The following ASAH2 variants were observed in gnomAD, a reference collection of about 807,000 sequenced individuals.
ASAH2 encodes neutral ceramidase.
Under a neutral mutation model 82.9 loss-of-function variants are expected in ASAH2, and 58 were observed. The observed-to-expected ratio is 0.70, with a 90% CI of 0.57 to 0.87. The LOEUF is 0.87. Ranked by LOEUF, ASAH2 falls within the 40% of genes least tolerant of loss-of-function variation. ASAH2 has a pLI of 0.00. For synonymous variants in ASAH2, 276 were observed against 289.7 expected, an observed-to-expected ratio of 0.95 and a Z score of 0.48; for missense variants, 779 against 834.0, an observed-to-expected ratio of 0.93 and a Z score of 0.81.
At chr10:50,246,531 C>T (rs566090431) in intron 2 of ASAH2, among the ~76,000 whole-genome samples, 3 of 152,300 alleles carry the variant, frequency 2.0e-5, no homozygotes, top group African/African-American at 7.2e-5. Context: ...AGATTTATAG[C>T]TGATTCTTTC....
chr10:50,199,984 CAT>C (rs1473565064), intron 16 of ASAH2, among the ~76,000 whole-genome samples: 1 of 151,156 alleles, frequency 6.6e-6, no homozygotes, highest in Non-Finnish European at 1.5e-5. Context: ...AGGTAAATCA[CAT>C]GTCATGAGGG....
chr10:50,200,497 G>C (rs1212549960), intron 16 of ASAH2, among the ~76,000 whole-genome samples: 1 of 151,900 alleles, frequency 6.6e-6, no homozygotes, highest in Non-Finnish European at 1.5e-5. Context: ...ACTCTCACTT[G>C]TTGTCAAGAA....
rs1354449813 is a variant in ASAH2 at position 50,187,490 on chromosome 10, T to C, written c.2168A>G (p.Lys723Arg). The C allele has an allele frequency of 1.3e-5, 2 of 158,042 alleles. No homozygotes were observed. The highest frequency in any genetic ancestry group is 2.8e-4 in the African/African-American group (2 of 7,020). The allele number at this position is 158,042 out of a possible 1,614,324, so 9.8% of individuals were successfully genotyped here. The change falls in exon 21 of 21, where the codon AAG (lysine) becomes AGG (arginine). Residue 723 changes from lysine (K) to arginine (R), a missense_variant. Transcript: ENST00000682911. Reference protein sequence around the residue: ...ASWETRFYWHKGLLGLSNATV... With the variant: ...ASWETRFYWHRGLLGLSNATV... ...TGCATTACTCAGACCCAGGAGTCCC[T>C]TGTGCCAATAAAAACTGTTGATAAA...
intron 16 of ASAH2, among the ~76,000 whole-genome samples, chr10:50,201,584 T>C (rs1845149781): frequency 6.6e-6 from 1 of 152,068 alleles, no homozygotes; most frequent in Non-Finnish European, 1.5e-5. Flanking sequence ...TTCAGGGAAC[T>C]TTCCCATCTC....
At chr10:50,221,733 TAC>T (rs1483904005) in intron 7 of ASAH2, among the ~76,000 whole-genome samples, 1 of 138,544 alleles carries the variant, frequency 7.2e-6, no homozygotes, top group Admixed American at 7.3e-5. Context: ...GATAGATAGA[TAC>T]AGATAGAGAT....
chr10:50,200,235 C>T (rs1190136455), intron 16 of ASAH2, among the ~76,000 whole-genome samples: 1 of 151,230 alleles, frequency 6.6e-6, no homozygotes, highest in African/African-American at 2.4e-5. Context: ...TCAAAGCATT[C>T]TCTTGCTTAG....
intron 8 of ASAH2, among the ~76,000 whole-genome samples, chr10:50,215,585 G>A (rs1845571418): frequency 6.6e-6 from 1 of 152,164 alleles, no homozygotes; most frequent in Non-Finnish European, 1.5e-5. Context: ...GTTTTTCTCA[G>A]GTTTGTCGAA....
At chr10:50,231,845 T>G (rs924618558) in intron 7 of ASAH2, among the ~76,000 whole-genome samples, 2 of 152,200 alleles carry the variant, frequency 1.3e-5, no homozygotes, top group African/African-American at 4.8e-5. Flanking sequence ...AGAGGTAGAA[T>G]ATGTTTTCTA....
chr10:50,229,154 T>C (rs1589347035), intron 7 of ASAH2, among the ~76,000 whole-genome samples: 1 of 152,306 alleles, frequency 6.6e-6, no homozygotes, highest in South Asian at 2.1e-4. Flanking sequence ...ACACACATAG[T>C]GTCTTATTGC....
intron 7 of ASAH2, among the ~76,000 whole-genome samples, chr10:50,218,971 A>G (rs1260495050): frequency 6.6e-6 from 1 of 152,218 alleles, no homozygotes; most frequent in Non-Finnish European, 1.5e-5. Context: ...GGTAGTAATT[A>G]TTCAAATTTA....
At chr10:50,246,518 A>G (rs1846462182) in intron 2 of ASAH2, among the ~76,000 whole-genome samples, 1 of 152,242 alleles carries the variant, frequency 6.6e-6, no homozygotes, top group Non-Finnish European at 1.5e-5. Context: ...GTACTTAGGC[A>G]AGAGATTTAT....
At chr10:50,215,926 G>A (rs1464279751) in intron 8 of ASAH2, among the ~76,000 whole-genome samples, 1 of 152,122 alleles carries the variant, frequency 6.6e-6, no homozygotes, top group Non-Finnish European at 1.5e-5. Context: ...GCCCATCAAT[G>A]ATAGACTGGA....
rs935459601 is a variant in ASAH2 at position 50,214,815 on chromosome 10, G to A, written c.1068C>T (p.Asn356=). 3 of 1,613,776 alleles carry A rather than the reference G, an allele frequency of 1.9e-6. No homozygotes were observed. The highest frequency in any genetic ancestry group is 2.5e-6 in the Non-Finnish European group (3 of 1,179,702). ...TGTTGATGCAACGTGGTCCAAGAATGTTGGGGGACACATCTCCTAGGTTTG... is the reference window on the plus strand; with the variant it reads ...TGTTGATGCAACGTGGTCCAAGAATATTGGGGGACACATCTCCTAGGTTTG... ...ASSNLGDVSP[N]ILGPRCINTG... is the part of the protein sequence containing the mutation. The change falls in exon 9 of 21, where the codon AAC becomes AAT. Residue 356 remains asparagine (N), a synonymous_variant. Coordinates refer to ENST00000682911, the MANE Select transcript of ASAH2 (RefSeq NM_019893.4).
At chr10:50,236,189 T>C in intron 4 of ASAH2, 125 bp from the exon 5 acceptor site, 3 of 869,026 alleles carry the variant, frequency 3.5e-6, no homozygotes, top group Non-Finnish European at 3.8e-6. Context: ...ATTCTCATGC[T>C]GCTAATAAAG....
At chr10:50,218,408 A>T in intron 8 of ASAH2, 102 bp downstream of exon 8, 1 of 1,508,972 alleles carries the variant, frequency 6.6e-7, no homozygotes, top group Non-Finnish European at 9.2e-7. Context: ...GAGATTGATG[A>T]TGACACTTTA....
chr10:50,204,913 G>A lies in ASAH2; in HGVS notation c.1573C>T (p.Gln525Ter), dbSNP rs1156604701. The A allele has an allele frequency of 6.2e-7, 1 of 1,611,494 alleles. No homozygotes were observed. The highest frequency in any genetic ancestry group is 1.7e-5 in the Admixed American group (1 of 59,634). The change falls in exon 14 of 21, where the codon CAG (glutamine) becomes TAG (stop). Residue 525 changes from glutamine (Q) to a stop codon, truncating the protein, a stop_gained. Coordinates refer to ENST00000682911, the MANE Select transcript of ASAH2 (RefSeq NM_019893.4). LOFTEE classifies it high-confidence loss of function. ...HPWHPDIVDV[Q>*]IITLGSLAIT... ...GCCAAGGACCCAAGGGTAATAATCTGAACATCAACAATGTCTGGATGCCAG... is the reference window on the plus strand; with the variant it reads ...GCCAAGGACCCAAGGGTAATAATCTAAACATCAACAATGTCTGGATGCCAG...
At chr10:50,195,148 T>A (rs1844943278) in intron 18 of ASAH2, among the ~76,000 whole-genome samples, 1 of 150,862 alleles carries the variant, frequency 6.6e-6, no homozygotes, top group East Asian at 2.0e-4. Flanking sequence ...ATGCATCCAA[T>A]AAAGAGTTAA....
rs776391885 is a variant in ASAH2 at position 50,234,415 on chromosome 10, T to C, written c.815+10A>G. On this transcript the variant is annotated intron_variant, in intron 6 of 20. Coordinates refer to ENST00000682911, the MANE Select transcript of ASAH2 (RefSeq NM_019893.4). ...AATGAAACGATTTCATTTTGACGAT[T>C]CCTCCTCACCTTGCTCTCTCTGACT... The C allele has an allele frequency of 1.9e-6, 3 of 1,612,892 alleles. No individual in the cohort carries two copies. Among genetic ancestry groups the C allele is most frequent in the Non-Finnish European group, 2.5e-6 (3 of 1,179,082 alleles).
At chr10:50,210,801 A>T in intron 12 of ASAH2, 22 bp downstream of exon 12, 1 of 1,576,568 alleles carries the variant, frequency 6.3e-7, no homozygotes, top group Non-Finnish European at 8.7e-7. Flanking sequence ...GAAACCATAG[A>T]TTTTACTGGA....
Sources: allele counts gnomAD v4.1 joint callset (sites outside exome capture counted in the v4.1 genomes callset), GRCh38; gene constraint gnomAD v4.1.1; transcripts MANE v1.5; gene names NCBI Gene and HGNC (gene_info 2026-07-23, HGNC 2026-07-21).